FGD6: variants seen among roughly 807,000 people sequenced by gnomAD.
The protein encoded by FGD6 is FYVE, RhoGEF and PH domain containing 6.
Under a neutral mutation model 149.4 loss-of-function variants are expected in FGD6, and 90 were observed. The observed-to-expected ratio is 0.60, with a 90% CI of 0.51 to 0.72. The LOEUF (loss-of-function observed/expected upper bound fraction) is 0.72. Ranked by LOEUF, FGD6 falls within the 30% of genes least tolerant of loss-of-function variation. The pLI, the probability that FGD6 is intolerant of heterozygous loss-of-function variation, is 0.00. For synonymous variants in FGD6, 527 were observed against 584.0 expected, an observed-to-expected ratio of 0.90 and a Z score of 1.41; for missense variants, 1,437 against 1,684.8, an observed-to-expected ratio of 0.85 and a Z score of 2.57.
intron 2 of FGD6, among the ~76,000 whole-genome samples, chr12:95,180,567 A>AT (rs1881254360): frequency 6.6e-6 from 1 of 150,988 alleles, no homozygotes; most frequent in Non-Finnish European, 1.5e-5. Flanking sequence ...TAATTTTCGT[A>AT]TTTTTTCTTT....
intron 8 of FGD6, among the ~76,000 whole-genome samples, chr12:95,114,192 A>G (rs11107902): frequency 0.63 from 95,687 of 151,946 alleles, 30,402 homozygotes; most frequent in East Asian, 0.68. Flanking sequence ...ATGTATTTAA[A>G]CAGGTGGTTT....
chr12:95,108,231 A>G, intron 11 of FGD6, 117 bp downstream of exon 11: 3 of 879,168 alleles, frequency 3.4e-6, no homozygotes, highest in Non-Finnish European at 5.2e-6. Flanking sequence ...TAAAGTGATC[A>G]AAATTGAATC....
chr12:95,098,266 T>C (rs1878307452), intron 14 of FGD6, among the ~76,000 whole-genome samples: 1 of 152,200 alleles, frequency 6.6e-6, no homozygotes, highest in Non-Finnish European at 1.5e-5. Flanking sequence ...TGCTGGAGTC[T>C]CCTCTGAAGA....
At chr12:95,094,793 CA>C in intron 14 of FGD6, 99 bp from the exon 15 acceptor site, 1 of 809,744 alleles carries the variant, frequency 1.2e-6, no homozygotes, top group African/African-American at 1.7e-5. Flanking sequence ...CACCACCCTC[CA>C]ACAATACCAG....
chr12:95,098,133 G>GCATATGCACCTCACATTC (rs1878302231), intron 14 of FGD6, among the ~76,000 whole-genome samples: 1 of 152,042 alleles, frequency 6.6e-6, no homozygotes. Flanking sequence ...TTTGGATGTT[G>GCATATGCACCTCACATTC]CATATGCACC....
chr12:95,202,252 G>C (rs1314038226), intron 2 of FGD6, among the ~76,000 whole-genome samples: 1 of 151,798 alleles, frequency 6.6e-6, no homozygotes, highest in Non-Finnish European at 1.5e-5. Flanking sequence ...GCTGGGCATA[G>C]TGGCAGTGCC....
chr12:95,119,847 G>C (rs1381700518), intron 8 of FGD6, among the ~76,000 whole-genome samples: 1 of 152,202 alleles, frequency 6.6e-6, no homozygotes, highest in Non-Finnish European at 1.5e-5. Context: ...TTGAACCCAG[G>C]AGGCAGAGGT....
intron 3 of FGD6, among the ~76,000 whole-genome samples, chr12:95,156,849 G>A (rs951526826): frequency 9.9e-5 from 15 of 152,130 alleles, no homozygotes; most frequent in African/African-American, 3.1e-4. Flanking sequence ...AACAACCTAC[G>A]TGAAATATTG....
chr12:95,136,250 C>T (rs1222295833), intron 7 of FGD6, among the ~76,000 whole-genome samples: 3 of 151,854 alleles, frequency 2.0e-5, no homozygotes, highest in Non-Finnish European at 4.4e-5. Flanking sequence ...CCCAGCTACT[C>T]GGGAGGCTGA....
At chr12:95,103,856 CA>C (rs932281585) in intron 14 of FGD6, among the ~76,000 whole-genome samples, 1 of 152,134 alleles carries the variant, frequency 6.6e-6, no homozygotes, top group Non-Finnish European at 1.5e-5. Flanking sequence ...GACTTAAAAG[CA>C]AAAGACTTCG....
At chr12:95,184,786 T>A (rs1295963881) in intron 2 of FGD6, among the ~76,000 whole-genome samples, 1 of 152,192 alleles carries the variant, frequency 6.6e-6, no homozygotes, top group Non-Finnish European at 1.5e-5. Flanking sequence ...TTTCGCCATG[T>A]TGGCCAAGCT....
At chr12:95,142,274 T>C (rs962927643) in intron 5 of FGD6, among the ~76,000 whole-genome samples, 6 of 151,972 alleles carry the variant, frequency 3.9e-5, no homozygotes, top group African/African-American at 1.5e-4. Flanking sequence ...CCCGAGTAGC[T>C]GGGATTACAG....
intron 2 of FGD6, among the ~76,000 whole-genome samples, chr12:95,174,988 G>A (rs990344388): frequency 3.3e-5 from 5 of 150,124 alleles, no homozygotes; most frequent in African/African-American, 1.2e-4. Flanking sequence ...GGTGAAAGGT[G>A]TTTCTTGGTC....
chr12:95,084,485 C>T lies in FGD6; in HGVS notation c.4256+13G>A, dbSNP rs756890516. ...TCTCATGAATAAAAGAAAAATATGGCCAGATTACTTACTTCTGAGCCGAAT... is the reference window on the plus strand; with the variant it reads ...TCTCATGAATAAAAGAAAAATATGGTCAGATTACTTACTTCTGAGCCGAAT... On this transcript the variant is annotated intron_variant, in intron 20 of 20. Coordinates refer to ENST00000343958, the MANE Select transcript of FGD6 (RefSeq NM_018351.4). The T allele has an allele frequency of 2.6e-6, 4 of 1,514,178 alleles. No homozygotes were observed. Among genetic ancestry groups the T allele is most frequent in the African/African-American group, 2.8e-5 (2 of 70,202 alleles). 93.8% of individuals were successfully genotyped at this position (1,514,178 alleles called of 1,614,324 possible). A position where few individuals can be genotyped will look rare whatever the true frequency, so the allele number is the denominator to read the frequency against.
At chr12:95,214,490 T>A (rs1006852671) in intron 1 of FGD6, among the ~76,000 whole-genome samples, 4 of 152,182 alleles carry the variant, frequency 2.6e-5, no homozygotes, top group Admixed American at 6.6e-5. Flanking sequence ...TAAGCCATTA[T>A]ATTATGGTCT....
intron 3 of FGD6, among the ~76,000 whole-genome samples, chr12:95,169,575 T>C (rs556069485): frequency 1.4e-4 from 21 of 152,164 alleles, no homozygotes; most frequent in Non-Finnish European, 2.2e-4. Context: ...ACAGGATGTG[T>C]TGGAAACAGA....
chr12:95,143,650 C>G (rs1161610063), intron 5 of FGD6, among the ~76,000 whole-genome samples: 1 of 152,184 alleles, frequency 6.6e-6, no homozygotes, highest in Non-Finnish European at 1.5e-5. Context: ...TATTTCACCT[C>G]CCAACAGCTT....
chr12:95,089,653 T>C lies in FGD6; in HGVS notation c.3894A>G (p.Lys1298=), dbSNP rs771979077. The C allele has an allele frequency of 8.7e-6, 14 of 1,613,882 alleles. No individual in the cohort carries two copies. In the South Asian group the frequency reaches 9.9e-5, roughly 11 times the overall value. The change falls in exon 18 of 21, where the codon AAA becomes AAG. Residue 1298 remains lysine (K), a synonymous_variant. Transcript: ENST00000343958. ...CTGATGATAAGGCACTTGAAGGAGA[T>C]TTGTGATTTCCAGGAGATCCAATCC... ...SPRIGSPGNH[K]SPSSALSSVL...
chr12:95,084,073 T>A (rs934134769), intron 20 of FGD6, among the ~76,000 whole-genome samples: 6 of 152,220 alleles, frequency 3.9e-5, no homozygotes, highest in African/African-American at 1.4e-4. Flanking sequence ...CCCAAAGAAG[T>A]TAGCGAGCAG....
Sources: allele counts gnomAD v4.1 joint callset (sites outside exome capture counted in the v4.1 genomes callset), GRCh38; gene constraint gnomAD v4.1.1; transcripts MANE v1.5; gene names NCBI Gene and HGNC (gene_info 2026-07-23, HGNC 2026-07-21).